DENND2C: variants seen among roughly 807,000 people sequenced by gnomAD.
The protein encoded by DENND2C is DENN domain-containing protein 2C.
In DENND2C, 72 loss-of-function variants were observed where a neutral mutation model predicts 112.4. The ratio of observed to expected loss-of-function variants is 0.64; its 90% CI spans 0.53 to 0.78. DENND2C has a LOEUF of 0.78. DENND2C is among the 30% of genes least tolerant of loss of function. The probability of loss-of-function intolerance (pLI) is 0.00; values close to 1 mark genes in which losing one functional copy is unlikely to be tolerated. For missense variants in DENND2C, 992 were observed against 1,113.8 expected, an observed-to-expected ratio of 0.89 and a Z score of 1.56; for synonymous variants, 329 against 381.6, an observed-to-expected ratio of 0.86 and a Z score of 1.61.
intron 2 of DENND2C, among the ~76,000 whole-genome samples, chr1:114,649,203 C>T (rs1657086831): frequency 6.6e-6 from 1 of 152,148 alleles, no homozygotes; most frequent in Admixed American, 6.6e-5. Flanking sequence ...AATCAGCCCG[C>T]CTTGGCCTCC....
At chr1:114,624,322 G>A (rs1656269348) in intron 4 of DENND2C, among the ~76,000 whole-genome samples, 1 of 152,088 alleles carries the variant, frequency 6.6e-6, no homozygotes, top group Non-Finnish European at 1.5e-5. Flanking sequence ...TTATTTTAGA[G>A]GCAGGGTCTC....
At chr1:114,653,172 A>G (rs1657217393) in intron 2 of DENND2C, among the ~76,000 whole-genome samples, 1 of 151,802 alleles carries the variant, frequency 6.6e-6, no homozygotes, top group African/African-American at 2.4e-5. Flanking sequence ...GCAGTGGTGC[A>G]ATCTTGGCTC....
chr1:114,647,429 C>T (rs1657025412), intron 2 of DENND2C, among the ~76,000 whole-genome samples: 1 of 151,840 alleles, frequency 6.6e-6, no homozygotes, highest in African/African-American at 2.4e-5. Context: ...CTCCCTGCAA[C>T]CTCTGCCTCT....
chr1:114,633,314 G>A (rs965718446), intron 3 of DENND2C, among the ~76,000 whole-genome samples: 3 of 151,736 alleles, frequency 2.0e-5, no homozygotes, highest in African/African-American at 7.3e-5. Flanking sequence ...GCGTGGTGGT[G>A]CCTGCCAGTA....
chr1:114,651,730 T>C (rs1053264539), intron 2 of DENND2C, among the ~76,000 whole-genome samples: 3 of 152,272 alleles, frequency 2.0e-5, no homozygotes, highest in South Asian at 4.1e-4. Flanking sequence ...GAGTGAGATT[T>C]TGACTCAAAA....
chr1:114,585,725 C>T, intron 20 of DENND2C, 94 bp from the exon 21 acceptor site: 1 of 1,312,070 alleles, frequency 7.6e-7, no homozygotes. Context: ...TCATTCAGAA[C>T]AGCCCAAGAG....
intron 1 of DENND2C, among the ~76,000 whole-genome samples, chr1:114,660,618 G>A (rs1228298679): frequency 2.0e-5 from 3 of 152,274 alleles, no homozygotes; most frequent in African/African-American, 4.8e-5. Flanking sequence ...TTGCACGGGA[G>A]GCTGGACAGG....
chr1:114,583,684 A>G lies in DENND2C; in HGVS notation c.*1916T>C, dbSNP rs183935777. ...TAGCCAGGTGTGGTGGCGGGTGCCT[A>G]TAATTCCAGCTACTCAGGAGGCTGA... On this transcript the variant is annotated 3_prime_UTR_variant, in exon 21 of 21. Transcript: ENST00000393274. The G allele has an allele frequency of 0.039, 5,902 of 151,968 alleles. 153 individuals are homozygous for G. Among genetic ancestry groups the G allele is most frequent in the Non-Finnish European group, 0.063 (4,283 of 68,008 alleles). 9.4% of individuals were successfully genotyped at this position (151,968 alleles called of 1,614,324 possible).
chr1:114,620,240 T>C (rs1217888877), intron 7 of DENND2C, among the ~76,000 whole-genome samples: 1 of 152,130 alleles, frequency 6.6e-6, no homozygotes, highest in African/African-American at 2.4e-5. Context: ...CCAAGGAGGG[T>C]CACAGGTAGA....
In DENND2C at chr1:114,585,523, A is replaced by C. The variant is rs1655017072; in HGVS notation, c.*77T>G. The stretch of plus-strand genomic sequence containing the variant: ...TTTCAAGAATTTTGTAGAATACTTC[A>C]TGGGATCCTGACCCTTAGAAAAATA... On this transcript the variant is annotated 3_prime_UTR_variant, in exon 21 of 21. Transcript: ENST00000393274. The C allele has an allele frequency of 6.7e-7, 1 of 1,497,514 alleles. No homozygotes were observed. Among genetic ancestry groups the C allele is most frequent in the South Asian group, 1.2e-5 (1 of 86,898 alleles). 92.8% of individuals were successfully genotyped at this position (1,497,514 alleles called of 1,614,324 possible).
At chr1:114,635,277 G>A (rs1557953298) in intron 3 of DENND2C, among the ~76,000 whole-genome samples, 2 of 151,904 alleles carry the variant, frequency 1.3e-5, no homozygotes, top group Admixed American at 6.6e-5. Flanking sequence ...AATATTTAAA[G>A]TTCTCCCTTA....
At chr1:114,664,046 C>A (rs1362485242) in intron 1 of DENND2C, among the ~76,000 whole-genome samples, 1 of 148,464 alleles carries the variant, frequency 6.7e-6, no homozygotes, top group Non-Finnish European at 1.5e-5. Flanking sequence ...TCTAGCAATT[C>A]TCCCACCTCA....
At chr1:114,641,471 TG>T (rs1439839832) in intron 3 of DENND2C, among the ~76,000 whole-genome samples, 1 of 152,148 alleles carries the variant, frequency 6.6e-6, no homozygotes. Context: ...CCCTCATGAA[TG>T]GCTAACTGCC....
At chr1:114,599,670 G>A (rs1306530244) in intron 15 of DENND2C, among the ~76,000 whole-genome samples, 2 of 151,942 alleles carry the variant, frequency 1.3e-5, no homozygotes, top group Admixed American at 6.6e-5. Context: ...TTTCTCATGC[G>A]AAAAATTAGT....
intron 14 of DENND2C, 98 bp downstream of exon 14, chr1:114,600,722 G>T: frequency 7.1e-7 from 1 of 1,412,594 alleles, no homozygotes; most frequent in Non-Finnish European, 9.5e-7. Flanking sequence ...ACAGTTTATG[G>T]AAAAGGGAAA....
chr1:114,605,091 A>G, intron 10 of DENND2C, 60 bp from the exon 11 acceptor site: 2 of 1,277,634 alleles, frequency 1.6e-6, no homozygotes, highest in Non-Finnish European at 2.2e-6. Context: ...GAATAGAAAT[A>G]AAAAACTCAG....
chr1:114,636,973 G>A (rs1427349527), intron 3 of DENND2C, among the ~76,000 whole-genome samples: 1 of 151,512 alleles, frequency 6.6e-6, no homozygotes, highest in Non-Finnish European at 1.5e-5. Flanking sequence ...GGCCAGGTAT[G>A]GTGGCTCACA....
At chr1:114,612,627 C>G (rs964768622) in intron 8 of DENND2C, among the ~76,000 whole-genome samples, 1 of 151,796 alleles carries the variant, frequency 6.6e-6, no homozygotes, top group African/African-American at 2.4e-5. Context: ...TCAAGCAGTT[C>G]TCCTGCCTCA....
chr1:114,595,734 G>T (rs1655324914), intron 17 of DENND2C, 98 bp downstream of exon 17: 1 of 1,135,366 alleles, frequency 8.8e-7, no homozygotes, highest in Non-Finnish European at 1.3e-6. Flanking sequence ...AGTTTTGCCT[G>T]AGTCATATTC....
Sources: gnomAD v4.1 joint callset for allele counts (sites outside exome capture counted in the v4.1 genomes callset) on GRCh38, gnomAD v4.1.1 for gene constraint, MANE v1.5 for transcripts, NCBI Gene and HGNC (gene_info 2026-07-23, HGNC 2026-07-21) for gene names.